Variants in METTL15 observed in about 807,000 individuals in gnomAD.
METTL15 encodes 12S rRNA N(4)-cytidine methyltransferase METTL15.
In METTL15, 34 loss-of-function variants were observed where a neutral mutation model predicts 38.3. The ratio of observed to expected loss-of-function variants is 0.89; its 90% CI spans 0.68 to 1.18. METTL15 has a LOEUF of 1.18. Among genes scored for constraint, METTL15 ranks in the 50% most tolerant of loss-of-function variants. METTL15 has a pLI of 0.00. For missense variants in METTL15, 438 were observed against 498.4 expected (o/e 0.88, Z 1.15); for synonymous variants, 162 against 170.9 (o/e 0.95, Z 0.41).
At chr11:28,137,008 T>C (rs528154402) in intron 3 of METTL15, among the ~76,000 whole-genome samples, 13 of 150,218 alleles carry the variant, frequency 8.7e-5, no homozygotes, top group Admixed American at 2.0e-4. Flanking sequence ...CTGCTATTAA[T>C]GTCAACCCCA....
chr11:28,309,910 A>G (rs1228490316), intron 6 of METTL15, among the ~76,000 whole-genome samples: 1 of 152,032 alleles, frequency 6.6e-6, no homozygotes, highest in Non-Finnish European at 1.5e-5. Context: ...ACCATTGTTC[A>G]TCTGTTATTT....
intron 3 of METTL15, among the ~76,000 whole-genome samples, chr11:28,202,280 T>A (rs1170048807): frequency 1.3e-5 from 2 of 151,982 alleles, no homozygotes; most frequent in Non-Finnish European, 2.9e-5. Flanking sequence ...GTTTGGAGTA[T>A]ATGGGAGAGT....
At chr11:28,307,606 G>A (rs968942255) in intron 6 of METTL15, among the ~76,000 whole-genome samples, 77 of 151,910 alleles carry the variant, frequency 5.1e-4, no homozygotes, top group African/African-American at 1.9e-3. Flanking sequence ...TGGTAAATCA[G>A]GCTAAATATG....
At chr11:28,502,418 G>T (rs1346363213) in intron 6 of METTL15, among the ~76,000 whole-genome samples, 2 of 152,158 alleles carry the variant, frequency 1.3e-5, no homozygotes, top group Non-Finnish European at 2.9e-5. Flanking sequence ...GGTGAATATG[G>T]TCTAACAAAA....
chr11:28,113,522 G>C lies in METTL15; in HGVS notation c.188G>C (p.Arg63Thr), dbSNP rs367783950. 2 of 1,613,618 alleles carry C rather than the reference G, an allele frequency of 1.2e-6. No homozygotes were observed. The highest frequency in any genetic ancestry group is 2.2e-5 in the East Asian group (1 of 44,844). The change falls in exon 3 of 7, where the codon AGA becomes ACA. Residue 63 changes from arginine to threonine, a missense_variant. Arg to Thr is a moderately conservative substitution (Grantham distance 71). Coordinates refer to ENST00000407364, the MANE Select transcript of METTL15 (RefSeq NM_001113528.2). ...CAGGAGTTACACAGATCTCAAGATAGAGATTTTGAAACTATGGCTAAATTA... is the reference window on the plus strand; with the variant it reads ...CAGGAGTTACACAGATCTCAAGATACAGATTTTGAAACTATGGCTAAATTA... The part of the protein sequence containing the change: ...QAQELHRSQD[R>T]DFETMAKLHI...
At chr11:28,426,280 G>A (rs190339197) in intron 6 of METTL15, among the ~76,000 whole-genome samples, 12 of 152,202 alleles carry the variant, frequency 7.9e-5, no homozygotes, top group Non-Finnish European at 1.2e-4. Flanking sequence ...ACATGATCTC[G>A]TTCCTTCTTA....
chr11:28,296,395 C>T (rs1856736106), intron 5 of METTL15, among the ~76,000 whole-genome samples: 1 of 152,086 alleles, frequency 6.6e-6, no homozygotes, highest in Non-Finnish European at 1.5e-5. Context: ...AAAAAACATT[C>T]AAGCAGTAAT....
chr11:28,396,906 G>A (rs1392806545), intron 5 of METTL15, among the ~76,000 whole-genome samples: 16 of 152,044 alleles, frequency 1.1e-4, no homozygotes, highest in Admixed American at 7.2e-4. Context: ...TAGACCAATG[G>A]AACAGAACAG....
intron 3 of METTL15, among the ~76,000 whole-genome samples, chr11:28,155,415 C>T (rs1322353312): frequency 6.6e-6 from 1 of 152,092 alleles, no homozygotes; most frequent in African/African-American, 2.4e-5. Context: ...TTGATCTGTC[C>T]AGGAACATGG....
chr11:28,446,028 G>A (rs1326842104), intron 6 of METTL15, among the ~76,000 whole-genome samples: 1 of 152,142 alleles, frequency 6.6e-6, no homozygotes, highest in East Asian at 1.9e-4. Context: ...TGAATAACAT[G>A]TCTCTTGCAA....
intron 4 of METTL15, among the ~76,000 whole-genome samples, chr11:28,233,696 A>C (rs558052627): frequency 6.6e-6 from 1 of 152,232 alleles, no homozygotes; most frequent in African/African-American, 2.4e-5. Context: ...TCACTCAGCT[A>C]ACATCCAAGT....
intron 3 of METTL15, among the ~76,000 whole-genome samples, chr11:28,127,050 A>C (rs1590766353): frequency 6.6e-6 from 1 of 152,222 alleles, no homozygotes; most frequent in East Asian, 1.9e-4. Flanking sequence ...ATTGTAAGCA[A>C]GCCACTGAGT....
At chr11:28,154,464 G>A (rs1219565825) in intron 3 of METTL15, among the ~76,000 whole-genome samples, 1 of 152,024 alleles carries the variant, frequency 6.6e-6, no homozygotes, top group Non-Finnish European at 1.5e-5. Context: ...GTATAGATAA[G>A]CTCTAGTTTA....
intron 3 of METTL15, among the ~76,000 whole-genome samples, chr11:28,121,879 G>T (rs1236094359): frequency 1.3e-5 from 2 of 151,968 alleles, no homozygotes; most frequent in African/African-American, 4.8e-5. Context: ...TGGGATAAAT[G>T]TAGCATTTAT....
At chr11:28,364,017 T>G (rs991698119) in intron 5 of METTL15, among the ~76,000 whole-genome samples, 10 of 152,328 alleles carry the variant, frequency 6.6e-5, no homozygotes, top group African/African-American at 2.4e-4. Flanking sequence ...TTCTGGGTTC[T>G]CTATTCTGTT....
intron 4 of METTL15, among the ~76,000 whole-genome samples, chr11:28,213,468 T>G (rs1029507058): frequency 6.6e-6 from 1 of 151,944 alleles, no homozygotes; most frequent in African/African-American, 2.4e-5. Flanking sequence ...TCTGGTAACT[T>G]GCAAAACCTA....
intron 6 of METTL15, among the ~76,000 whole-genome samples, chr11:28,446,667 T>A (rs1360666588): frequency 6.6e-6 from 1 of 150,692 alleles, no homozygotes; most frequent in Non-Finnish European, 1.5e-5. Context: ...ATTGGATTTA[T>A]GTTCCATAGA....
chr11:28,464,561 C>G (rs908190103), intron 6 of METTL15, among the ~76,000 whole-genome samples: 5 of 152,176 alleles, frequency 3.3e-5, no homozygotes, highest in Admixed American at 6.5e-5. Flanking sequence ...TGTAGAAACC[C>G]TAGGGCTCTC....
chr11:28,306,168 G>A (rs777452384), intron 6 of METTL15, among the ~76,000 whole-genome samples: 30 of 151,898 alleles, frequency 2.0e-4, no homozygotes, highest in Non-Finnish European at 4.3e-4. Flanking sequence ...CTGCTTCTAG[G>A]GAAAAAGAGA....
Sources: gnomAD v4.1 joint callset for allele counts (sites outside exome capture counted in the v4.1 genomes callset) on GRCh38, gnomAD v4.1.1 for gene constraint, MANE v1.5 for transcripts, NCBI Gene and HGNC (gene_info 2026-07-23, HGNC 2026-07-21) for gene names.